CDK14: variants seen among roughly 807,000 people sequenced by gnomAD.
CDK14 encodes the protein cyclin-dependent kinase 14.
A neutral mutation model predicts 60.7 loss-of-function variants in CDK14; 34 were observed. The observed-to-expected ratio is 0.56, with a 90% confidence interval of 0.43 to 0.75. CDK14 has a LOEUF of 0.75. Ranked by LOEUF, CDK14 falls within the 30% of genes least tolerant of loss-of-function variation. The pLI, the probability that CDK14 is intolerant of heterozygous loss-of-function variation, is 0.00. For missense variants in CDK14, 482 were observed against 564.1 expected, an observed-to-expected ratio of 0.85 and a Z score of 1.47; for synonymous variants, 197 against 203.7, an observed-to-expected ratio of 0.97 and a Z score of 0.28.
At chr7:90,763,679 G>T (rs539212658) in intron 4 of CDK14, among the ~76,000 whole-genome samples, 1 of 150,784 alleles carries the variant, frequency 6.6e-6, no homozygotes, top group South Asian at 2.1e-4. Context: ...GTGGGGGGAT[G>T]GGGGAGGGAT....
At chr7:91,089,396 T>C (rs1370884742) in intron 12 of CDK14, among the ~76,000 whole-genome samples, 1 of 152,186 alleles carries the variant, frequency 6.6e-6, no homozygotes, top group Admixed American at 6.5e-5. Context: ...AAATGTTGAT[T>C]GCTTCTCATC....
chr7:90,701,156 A>G (rs931467210), intron 2 of CDK14, among the ~76,000 whole-genome samples: 9 of 152,186 alleles, frequency 5.9e-5, no homozygotes, highest in African/African-American at 1.4e-4. Context: ...CGGTGCAACA[A>G]ACCACTTTCA....
chr7:91,026,686 G>A (rs567379363), intron 10 of CDK14, among the ~76,000 whole-genome samples: 25 of 152,186 alleles, frequency 1.6e-4, no homozygotes, highest in African/African-American at 2.6e-4. Context: ...CGTGACCTTC[G>A]GCAAGTTATG....
At chr7:90,917,572 A>T (rs1385454605) in intron 7 of CDK14, 29 bp from the exon 8 acceptor site, 2 of 1,608,770 alleles carry the variant, frequency 1.2e-6, no homozygotes, top group South Asian at 2.2e-5. Flanking sequence ...CTGTGTTCTG[A>T]TTTTAACCTT....
intron 14 of CDK14, among the ~76,000 whole-genome samples, chr7:91,188,757 A>G (rs75615405): frequency 0.022 from 3,415 of 152,284 alleles, 124 homozygotes; most frequent in African/African-American, 0.078. Flanking sequence ...CCAATGTTAT[A>G]CCTCAAAATA....
chr7:91,105,747 G>A (rs1799274653), intron 12 of CDK14, among the ~76,000 whole-genome samples: 1 of 152,100 alleles, frequency 6.6e-6, no homozygotes, highest in South Asian at 2.1e-4. Flanking sequence ...CTGTCACCCA[G>A]CATTTTAGGT....
At chr7:91,076,478 A>G (rs1798323075) in intron 11 of CDK14, among the ~76,000 whole-genome samples, 2 of 152,092 alleles carry the variant, frequency 1.3e-5, no homozygotes, top group Admixed American at 1.3e-4. Flanking sequence ...CCCCTTCCTT[A>G]CACCTTATAC....
chr7:91,138,958 GC>G (rs1336674783), intron 14 of CDK14, among the ~76,000 whole-genome samples: 1 of 152,166 alleles, frequency 6.6e-6, no homozygotes, highest in Non-Finnish European at 1.5e-5. Flanking sequence ...TGTGATGGAA[GC>G]CAGGTTGACT....
intron 2 of CDK14, chr7:90,710,566 G>T (rs1360874476): frequency 3.0e-6 from 3 of 984,616 alleles, no homozygotes; most frequent in African/African-American, 1.7e-5. Context: ...GCAGAGGTCA[G>T]TGTGCTGGTA....
chr7:90,744,439 TTTCTC>T (rs1803490644), intron 3 of CDK14, among the ~76,000 whole-genome samples: 3 of 152,244 alleles, frequency 2.0e-5, no homozygotes, highest in Non-Finnish European at 4.4e-5. Flanking sequence ...AACCATCTGA[TTTCTC>T]AATCTTTTCC....
At chr7:90,769,465 C>CTT (rs1562760781) in intron 4 of CDK14, among the ~76,000 whole-genome samples, 1 of 91,860 alleles carries the variant, frequency 1.1e-5, no homozygotes, top group Non-Finnish European at 2.2e-5. Context: ...ATTTCTTTCT[C>CTT]TTTTCTTTCT....
At chr7:91,007,025 G>A (rs10240696) in intron 10 of CDK14, among the ~76,000 whole-genome samples, 14,889 of 152,210 alleles carry the variant, frequency 0.098, 977 homozygotes, top group African/African-American at 0.18. Flanking sequence ...AGAGCTTTAT[G>A]CACTCATATG....
chr7:91,116,393 G>A (rs1286652452), intron 13 of CDK14, among the ~76,000 whole-genome samples: 1 of 152,130 alleles, frequency 6.6e-6, no homozygotes, highest in African/African-American at 2.4e-5. Flanking sequence ...AGGGAACTTT[G>A]GACAAGTGCC....
intron 10 of CDK14, among the ~76,000 whole-genome samples, chr7:90,993,121 CA>C: frequency 6.6e-6 from 1 of 152,058 alleles, no homozygotes. Context: ...AGAAGAATTT[CA>C]AGAAGGAACT....
Position 90,726,899 on chromosome 7 carries a change from A to G in CDK14, c.369+87A>G, listed in dbSNP as rs116666591. On this transcript the variant is annotated intron_variant, in intron 3 of 14. Coordinates refer to ENST00000380050, the MANE Select transcript of CDK14 (RefSeq NM_001287135.2). ...ATGCGGTGCTGGAAGACAGCAGGAAACTTTATCAGTGCCTTATTATGCATT... is the reference window on the plus strand; with the variant it reads ...ATGCGGTGCTGGAAGACAGCAGGAAGCTTTATCAGTGCCTTATTATGCATT... 970 of 1,482,636 alleles carry G rather than the reference A, an allele frequency of 6.5e-4. 7 individuals are homozygous for G. In the African/African-American group the frequency reaches 0.012, roughly 19 times the overall value. 91.8% of individuals were successfully genotyped at this position (1,482,636 alleles called of 1,614,324 possible).
At chr7:90,598,704 A>ATTTTTGTTTTTTTT (rs1554416546) in intron 1 of CDK14, among the ~76,000 whole-genome samples, 1 of 87,890 alleles carries the variant, frequency 1.1e-5, no homozygotes, top group Non-Finnish European at 2.3e-5. Context: ...TTATCTAAGG[A>ATTTTTGTTTTTTTT]TTTTTTTTTT....
chr7:90,868,285 TACACACTATATATATATAC>T (rs1791250507), intron 6 of CDK14, among the ~76,000 whole-genome samples: 1 of 147,536 alleles, frequency 6.8e-6, no homozygotes, highest in South Asian at 2.2e-4. Flanking sequence ...TATGTATATA[TACACACTATATATATATAC>T]ACACACACAC....
At chr7:91,126,873 T>C (rs1447946539) in intron 14 of CDK14, among the ~76,000 whole-genome samples, 1 of 151,672 alleles carries the variant, frequency 6.6e-6, no homozygotes, top group Non-Finnish European at 1.5e-5. Flanking sequence ...GCCTTGGGAG[T>C]GACTGTGAAG....
intron 2 of CDK14, among the ~76,000 whole-genome samples, chr7:90,639,513 C>G (rs1046857661): frequency 2.6e-5 from 4 of 151,914 alleles, no homozygotes; most frequent in African/African-American, 9.7e-5. Context: ...GAGTACCTGG[C>G]CGTGTGAGGT....
Sources: gnomAD v4.1 joint callset for allele counts (sites outside exome capture counted in the v4.1 genomes callset) on GRCh38, gnomAD v4.1.1 for gene constraint, MANE v1.5 for transcripts, NCBI Gene and HGNC (gene_info 2026-07-23, HGNC 2026-07-21) for gene names.